Variants in CNTNAP5 observed in about 807,000 individuals in gnomAD.
CNTNAP5 encodes the protein contactin associated protein family member 5.
CNTNAP5 carries 72 observed loss-of-function variants against 150.2 expected under a neutral mutation model. The observed-to-expected ratio is 0.48, with a 90% CI of 0.40 to 0.58. CNTNAP5 has a LOEUF of 0.58. Ranked by LOEUF, CNTNAP5 falls within the 20% of genes least tolerant of loss-of-function variation. The probability of loss-of-function intolerance (pLI) is 0.00; values close to 1 mark genes in which losing one functional copy is unlikely to be tolerated. For synonymous variants in CNTNAP5, 672 were observed against 619.8 expected (o/e 1.08, Z -1.25); for missense variants, 1,636 against 1,626.2 (o/e 1.01, Z -0.10).
intron 16 of CNTNAP5, among the ~76,000 whole-genome samples, chr2:124,765,818 T>C: frequency 6.6e-6 from 1 of 151,918 alleles, no homozygotes; most frequent in African/African-American, 2.4e-5. Context: ...TATCCACGTG[T>C]GGTGCCAGGT....
chr2:124,800,336 G>A (rs529970338), intron 19 of CNTNAP5, among the ~76,000 whole-genome samples: 1 of 152,196 alleles, frequency 6.6e-6, no homozygotes, highest in East Asian at 1.9e-4. Context: ...GACAGACAGT[G>A]CATAATGAAT....
intron 21 of CNTNAP5, among the ~76,000 whole-genome samples, chr2:124,902,484 C>T (rs546414585): frequency 3.7e-4 from 57 of 152,220 alleles, no homozygotes; most frequent in Non-Finnish European, 6.0e-4. Context: ...TAATGAACAT[C>T]ATAGGGTGCT....
chr2:124,446,941 A>G lies in CNTNAP5; in HGVS notation c.918+4A>G, dbSNP rs1039054878. On this transcript the variant is annotated splice_donor_region_variant and intron_variant, in intron 6 of 23. Transcript: ENST00000682447. ...TGCCTTAGACATTGACTATGAGGTG[A>G]GTTGATCCTCCTTCCTGCACCTCCT... The G allele has an allele frequency of 1.9e-6, 3 of 1,611,192 alleles. No individual in the cohort carries two copies. Among genetic ancestry groups the G allele is most frequent in the Middle Eastern group, 1.7e-4 (1 of 6,040 alleles).
intron 13 of CNTNAP5, among the ~76,000 whole-genome samples, chr2:124,685,195 T>A (rs1322645201): frequency 6.6e-6 from 1 of 152,178 alleles, no homozygotes; most frequent in Non-Finnish European, 1.5e-5. Context: ...ATACTTCTTG[T>A]AATTCTGACT....
At position 124,221,746 on chromosome 2, in the gene CNTNAP5, G is replaced by A. The variant is rs768609837; in HGVS notation, c.124G>A (p.Ala42Thr). The A allele has an allele frequency of 6.2e-6, 10 of 1,611,654 alleles. No individual in the cohort carries two copies. In the Admixed American group the frequency reaches 6.7e-5, roughly 11 times the overall value. The change falls in exon 2 of 24, where the codon GCT becomes ACT. Residue 42 changes from alanine (A) to threonine (T), a missense_variant. Coordinates refer to ENST00000682447, the MANE Select transcript of CNTNAP5 (RefSeq NM_001367498.1). Reference sequence around the variant, plus strand: ...ACTAGCATCCCTGCTCTCTCCAATGGCTTTTTCCAGTTCCTCAGACCTCAC... The same window carrying A: ...ACTAGCATCCCTGCTCTCTCCAATGACTTTTTCCAGTTCCTCAGACCTCAC... ...DPLASLLSPM[A>T]FSSSSDLTGT...
intron 1 of CNTNAP5, among the ~76,000 whole-genome samples, chr2:124,108,093 A>C (rs1476210143): frequency 6.6e-6 from 1 of 152,252 alleles, no homozygotes; most frequent in Non-Finnish European, 1.5e-5. Flanking sequence ...TCAGGTGAGC[A>C]GAGCGATGGC....
At chr2:124,369,977 A>G (rs1690480595) in intron 3 of CNTNAP5, among the ~76,000 whole-genome samples, 1 of 152,180 alleles carries the variant, frequency 6.6e-6, no homozygotes, top group Non-Finnish European at 1.5e-5. Context: ...AATACTTGGT[A>G]AGGTTGTTGG....
At chr2:124,635,707 T>A (rs1677957123) in intron 12 of CNTNAP5, among the ~76,000 whole-genome samples, 1 of 152,160 alleles carries the variant, frequency 6.6e-6, no homozygotes. Flanking sequence ...GGAGAGATGA[T>A]GAATCAAAGT....
At chr2:124,794,496 A>C (rs1681802856) in intron 18 of CNTNAP5, among the ~76,000 whole-genome samples, 1 of 152,248 alleles carries the variant, frequency 6.6e-6, no homozygotes, top group African/African-American at 2.4e-5. Flanking sequence ...ATGCTACAAT[A>C]AACACATATA....
At chr2:124,718,379 T>C (rs1430911177) in intron 13 of CNTNAP5, among the ~76,000 whole-genome samples, 1 of 152,174 alleles carries the variant, frequency 6.6e-6, no homozygotes, top group Non-Finnish European at 1.5e-5. Flanking sequence ...ACAAACTCCA[T>C]TTTTCAGTAA....
intron 2 of CNTNAP5, among the ~76,000 whole-genome samples, chr2:124,232,572 G>A (rs1686650716): frequency 6.6e-6 from 1 of 152,102 alleles, no homozygotes; most frequent in Admixed American, 6.6e-5. Context: ...TCTTTCTCCA[G>A]ATTTTCAATT....
intron 7 of CNTNAP5, among the ~76,000 whole-genome samples, chr2:124,494,863 G>A (rs1285715112): frequency 6.6e-6 from 1 of 152,050 alleles, no homozygotes; most frequent in Non-Finnish European, 1.5e-5. Context: ...TGTCATGAAA[G>A]CCTTCAAATA....
chr2:124,134,788 T>C (rs532173885), intron 1 of CNTNAP5, among the ~76,000 whole-genome samples: 1 of 152,306 alleles, frequency 6.6e-6, no homozygotes, highest in South Asian at 2.1e-4. Context: ...GACCTGTCCA[T>C]TCCCCAAGAC....
intron 3 of CNTNAP5, among the ~76,000 whole-genome samples, chr2:124,356,221 A>G (rs554706786): frequency 6.6e-6 from 1 of 152,250 alleles, no homozygotes; most frequent in Non-Finnish European, 1.5e-5. Context: ...TCCTGCTTCT[A>G]CTAAAATATG....
At chr2:124,391,423 T>C (rs1463932227) in intron 3 of CNTNAP5, among the ~76,000 whole-genome samples, 1 of 152,192 alleles carries the variant, frequency 6.6e-6, no homozygotes, top group African/African-American at 2.4e-5. Flanking sequence ...TTTTGACCTG[T>C]TCATATCACT....
chr2:124,419,970 C>CTCTCTTTT (rs139642632), intron 4 of CNTNAP5, among the ~76,000 whole-genome samples: 1 of 62,524 alleles, frequency 1.6e-5, no homozygotes, highest in Non-Finnish European at 2.9e-5. Flanking sequence ...TTCTCTCTCT[C>CTCTCTTTT]TCTTTCTTTC....
chr2:124,063,668 T>C lies in CNTNAP5; in HGVS notation c.82+37936T>C, dbSNP rs956144427. On this transcript the variant is annotated intron_variant, in intron 1 of 23. Coordinates refer to ENST00000682447, the MANE Select transcript of CNTNAP5 (RefSeq NM_001367498.1). The stretch of plus-strand genomic sequence containing the variant: ...TCTATATGTCTGGCACTAAAATAAG[T>C]GCCCAGAATGAAAAGAAAAAGAGAC... Among the ~76,000 whole-genome samples, 32 of 152,154 alleles carry C rather than the reference T, an allele frequency of 2.1e-4. 1 individual carries two copies. The highest frequency in any genetic ancestry group is 2.0e-3 in the Admixed American group (31 of 15,258).
chr2:124,183,305 T>C (rs78627222), intron 1 of CNTNAP5, among the ~76,000 whole-genome samples: 1 of 152,208 alleles, frequency 6.6e-6, no homozygotes, highest in African/African-American at 2.4e-5. Flanking sequence ...GTTATAGTGT[T>C]AGCTCCAGAA....
chr2:124,364,241 C>G (rs575918971), intron 3 of CNTNAP5, among the ~76,000 whole-genome samples: 2 of 152,280 alleles, frequency 1.3e-5, no homozygotes, highest in African/African-American at 4.8e-5. Flanking sequence ...GGTCTTTGCT[C>G]TAGCTACTTC....
Sources: gnomAD v4.1 joint callset for allele counts (sites outside exome capture counted in the v4.1 genomes callset) on GRCh38, gnomAD v4.1.1 for gene constraint, MANE v1.5 for transcripts, NCBI Gene and HGNC (gene_info 2026-07-23, HGNC 2026-07-21) for gene names.